HPSE2: variants seen among roughly 807,000 people sequenced by gnomAD.
HPSE2 encodes the protein heparanase 2 (inactive), also known as inactive heparanase-2.
HPSE2 carries 38 observed loss-of-function variants against 60.5 expected under a neutral mutation model. That is an observed-to-expected ratio of 0.63 (90% CI 0.48 to 0.82). The LOEUF is 0.82. Ranked by LOEUF, HPSE2 falls within the 40% of genes least tolerant of loss-of-function variation. The probability of loss-of-function intolerance (pLI) is 0.00; values close to 1 mark genes in which losing one functional copy is unlikely to be tolerated. For synonymous variants in HPSE2, 295 were observed against 293.2 expected, an observed-to-expected ratio of 1.01 and a Z score of -0.06; for missense variants, 713 against 740.4, an observed-to-expected ratio of 0.96 and a Z score of 0.43.
At chr10:99,127,560 G>A (rs1845210962) in intron 3 of HPSE2, among the ~76,000 whole-genome samples, 1 of 152,126 alleles carries the variant, frequency 6.6e-6, no homozygotes, top group African/African-American at 2.4e-5. Context: ...CTAAAAGTTT[G>A]GAAAACTTAT....
intron 4 of HPSE2, among the ~76,000 whole-genome samples, chr10:98,731,552 A>G (rs375698007): frequency 3.3e-5 from 5 of 152,222 alleles, no homozygotes; most frequent in African/African-American, 1.2e-4. Flanking sequence ...AACACCACCA[A>G]AACTCATCTG....
chr10:98,582,911 C>T (rs535417521), intron 9 of HPSE2, among the ~76,000 whole-genome samples: 48 of 152,196 alleles, frequency 3.2e-4, no homozygotes, highest in African/African-American at 1.2e-3. Flanking sequence ...TTCTGTACCC[C>T]CTGCCACCCC....
intron 3 of HPSE2, among the ~76,000 whole-genome samples, chr10:98,801,942 T>C (rs1222219715): frequency 6.6e-6 from 1 of 152,194 alleles, no homozygotes; most frequent in Non-Finnish European, 1.5e-5. Context: ...CTTCAAATTA[T>C]ACTACAGAGC....
intron 3 of HPSE2, among the ~76,000 whole-genome samples, chr10:98,746,435 C>T (rs1949631652): frequency 6.6e-6 from 1 of 151,864 alleles, no homozygotes; most frequent in African/African-American, 2.4e-5. Context: ...ATCATTAATA[C>T]ATTTTATATT....
chr10:98,711,813 G>A (rs758130955), intron 5 of HPSE2, among the ~76,000 whole-genome samples: 1 of 152,048 alleles, frequency 6.6e-6, no homozygotes, highest in Non-Finnish European at 1.5e-5. Context: ...ACAGGGTAGT[G>A]GTTCTCATAC....
At chr10:98,610,244 T>C (rs1159622477) in intron 9 of HPSE2, among the ~76,000 whole-genome samples, 2 of 152,116 alleles carry the variant, frequency 1.3e-5, no homozygotes, top group South Asian at 2.1e-4. Flanking sequence ...GTCCACACCA[T>C]AGCTTGGCAG....
rs368915342 is a variant in HPSE2, at chr10:98,841,757, C to T, written c.611-97701G>A. On this transcript the variant is annotated intron_variant, in intron 3 of 11. Coordinates refer to ENST00000370552, the MANE Select transcript of HPSE2 (RefSeq NM_021828.5). ...GTAACAAAAAGTACATTATCTTCCC[C>T]CAGTGGAATGTAAATTTCATGACTT... 2.1e-4 allele frequency among the ~76,000 whole-genome samples: 32 copies of T among 152,054 alleles called. No individual in the cohort carries two copies. The East Asian group carries it at 5.8e-3, about 28-fold the overall frequency.
rs140663914 is a variant in HPSE2 at position 98,771,893 on chromosome 10, A to G, written c.611-27837T>C. On this transcript the variant is annotated intron_variant, in intron 3 of 11. Coordinates refer to ENST00000370552, the MANE Select transcript of HPSE2 (RefSeq NM_021828.5). Reference sequence around the variant, plus strand: ...GACAGGTATGTATAAAAGAGACTGAAGGAAGTGGTTGGAATGGATATATTA... The same window carrying G: ...GACAGGTATGTATAAAAGAGACTGAGGGAAGTGGTTGGAATGGATATATTA... 5.0e-4 allele frequency among the ~76,000 whole-genome samples: 76 copies of G among 152,310 alleles called. 1 individual carries two copies. The East Asian group carries it at 0.013, about 27-fold the overall frequency.
chr10:98,588,700 C>T (rs1156246056), intron 9 of HPSE2, among the ~76,000 whole-genome samples: 1 of 151,898 alleles, frequency 6.6e-6, no homozygotes, highest in East Asian at 1.9e-4. Context: ...AAAGATCTAA[C>T]AGCACCCAGC....
chr10:99,023,490 C>T (rs2135431332), intron 3 of HPSE2, among the ~76,000 whole-genome samples: 1 of 152,150 alleles, frequency 6.6e-6, no homozygotes, highest in African/African-American at 2.4e-5. Flanking sequence ...GCTCCAGGGC[C>T]CTTGCATGAA....
At chr10:98,558,291 A>T (rs75035117) in intron 9 of HPSE2, among the ~76,000 whole-genome samples, 1 of 152,204 alleles carries the variant, frequency 6.6e-6, no homozygotes, top group East Asian at 1.9e-4. Context: ...ATGTACGTAT[A>T]TGTTTACTAA....
chr10:98,767,528 T>A (rs1328577910), intron 3 of HPSE2, among the ~76,000 whole-genome samples: 1 of 132,916 alleles, frequency 7.5e-6, no homozygotes. Flanking sequence ...CTATATATAC[T>A]ATATATATTA....
the HPSE2 span, among the ~76,000 whole-genome samples, chr10:99,268,645 CAAAA>C: frequency 1.7e-5 from 1 of 57,350 alleles, no homozygotes; most frequent in Non-Finnish European, 3.8e-5. Flanking sequence ...GACTCTGTCT[CAAAA>C]AAAAAAAAAA....
chr10:98,477,268 T>C (rs947351343), intron 11 of HPSE2, among the ~76,000 whole-genome samples: 2 of 152,210 alleles, frequency 1.3e-5, no homozygotes, highest in African/African-American at 4.8e-5. Context: ...GTTGCAGCCA[T>C]AGGTACAGTG....
chr10:98,688,465 C>CT (rs562095149), intron 6 of HPSE2, among the ~76,000 whole-genome samples: 66,667 of 104,224 alleles, frequency 0.64, 22,212 homozygotes, highest in South Asian at 0.84. Context: ...TTTAGCATTT[C>CT]TTTTTTTTTT....
intron 3 of HPSE2, among the ~76,000 whole-genome samples, chr10:99,055,211 G>A (rs987581771): frequency 6.6e-5 from 10 of 152,054 alleles, no homozygotes; most frequent in African/African-American, 1.9e-4. Flanking sequence ...AAAGACATTC[G>A]AGCAGCTATT....
chr10:99,230,967 C>T (rs1050756044), intron 2 of HPSE2, among the ~76,000 whole-genome samples: 3 of 152,208 alleles, frequency 2.0e-5, no homozygotes, highest in Admixed American at 2.0e-4. Context: ...TACCTTTCAG[C>T]ATTTATGCTG....
chr10:98,927,810 T>A (rs1954519689), intron 3 of HPSE2, among the ~76,000 whole-genome samples: 1 of 149,898 alleles, frequency 6.7e-6, no homozygotes, highest in Admixed American at 6.7e-5. Flanking sequence ...ACTGGATCCC[T>A]TCCTTACGCC....
chr10:98,656,294 C>T (rs1947061016), intron 6 of HPSE2, among the ~76,000 whole-genome samples: 1 of 152,100 alleles, frequency 6.6e-6, no homozygotes, highest in Admixed American at 6.5e-5. Context: ...ACTGTGTTAG[C>T]CAGGATGGTC....
Sources: gnomAD v4.1 joint callset for allele counts (sites outside exome capture counted in the v4.1 genomes callset) on GRCh38, gnomAD v4.1.1 for gene constraint, MANE v1.5 for transcripts, NCBI Gene and HGNC (gene_info 2026-07-23, HGNC 2026-07-21) for gene names.